Variants in NALCN observed in about 807,000 individuals in gnomAD.
NALCN encodes the protein sodium leak channel, non-selective, also known as sodium leak channel NALCN.
Under a neutral mutation model 225.3 loss-of-function variants are expected in NALCN, and 111 were observed. The observed-to-expected ratio is 0.49, with a 90% CI of 0.42 to 0.58. The LOEUF (loss-of-function observed/expected upper bound fraction) is 0.58, where lower values mean the gene tolerates loss of function less well. Ranked by LOEUF, NALCN falls within the 20% of genes least tolerant of loss-of-function variation. The probability of loss-of-function intolerance (pLI) is 0.00; values close to 1 mark genes in which losing one functional copy is unlikely to be tolerated. For missense variants in NALCN, 1,378 were observed against 2,202.4 expected (o/e 0.63, Z 7.49); for synonymous variants, 764 against 769.0 (o/e 0.99, Z 0.11).
Position 101,395,382 on chromosome 13 carries a change from G to C in NALCN, c.109-17C>G, listed in dbSNP as rs375793431. On this transcript the variant is annotated splice_polypyrimidine_tract_variant and intron_variant, in intron 2 of 43. Coordinates refer to ENST00000251127, the MANE Select transcript of NALCN (RefSeq NM_052867.4). ...GTGAACCCACTGCAATGATGGTCCAGAGTTACTACACGGCACCATAACTGA... is the reference window on the plus strand; with the variant it reads ...GTGAACCCACTGCAATGATGGTCCACAGTTACTACACGGCACCATAACTGA... 3.1e-6 allele frequency: 5 copies of C among 1,610,878 alleles called. No individual in the cohort carries two copies. In the African/African-American group the frequency reaches 6.7e-5, roughly 22 times the overall value.
At chr13:101,191,881 T>A (rs2039694719) in intron 14 of NALCN, 36 bp downstream of exon 14, 1 of 1,579,242 alleles carries the variant, frequency 6.3e-7, no homozygotes, top group South Asian at 1.2e-5. Context: ...CATTATAAAT[T>A]CCAAGATATA....
At chr13:101,116,345 G>T (rs2035708294) in intron 18 of NALCN, 1 of 249,854 alleles carries the variant, frequency 4.0e-6, no homozygotes. Context: ...ATCTTTTATG[G>T]ACGTTGGGGA....
chr13:101,225,850 C>G (rs975361125), intron 13 of NALCN, among the ~76,000 whole-genome samples: 1 of 152,134 alleles, frequency 6.6e-6, no homozygotes, highest in African/African-American at 2.4e-5. Context: ...AATAATATGC[C>G]TAGGACTAAT....
At chr13:101,323,082 C>G (rs552084947) in intron 7 of NALCN, among the ~76,000 whole-genome samples, 1 of 152,250 alleles carries the variant, frequency 6.6e-6, no homozygotes, top group South Asian at 2.1e-4. Flanking sequence ...TAAAAAATCA[C>G]TTCAACAAAA....
chr13:101,156,522 T>G (rs1346031677), intron 15 of NALCN, among the ~76,000 whole-genome samples: 4 of 152,040 alleles, frequency 2.6e-5, no homozygotes, highest in African/African-American at 7.3e-5. Context: ...TCCAACCATA[T>G]GTATGCAGGT....
At chr13:101,144,054 C>T (rs529688811) in intron 16 of NALCN, among the ~76,000 whole-genome samples, 1 of 152,126 alleles carries the variant, frequency 6.6e-6, no homozygotes, top group African/African-American at 2.4e-5. Context: ...TAGTCTCATA[C>T]TTTTATAACC....
chr13:101,109,349 G>T (rs937530658), intron 20 of NALCN, among the ~76,000 whole-genome samples: 1 of 152,134 alleles, frequency 6.6e-6, no homozygotes, highest in Admixed American at 6.5e-5. Flanking sequence ...TGTCTATAGG[G>T]TATTGGTGAT....
intron 17 of NALCN, among the ~76,000 whole-genome samples, chr13:101,132,077 T>C (rs957825772): frequency 1.3e-5 from 2 of 152,088 alleles, no homozygotes; most frequent in Non-Finnish European, 2.9e-5. Context: ...TTTTTCTAAA[T>C]TCTTGAAATG....
intron 1 of NALCN, among the ~76,000 whole-genome samples, chr13:101,403,045 T>A (rs1221517098): frequency 6.6e-6 from 1 of 151,748 alleles, no homozygotes; most frequent in East Asian, 2.0e-4. Context: ...TTTCAAAATG[T>A]TCCCTCTTTT....
chr13:101,410,829 T>TC (rs1432325533), intron 1 of NALCN, among the ~76,000 whole-genome samples: 1 of 152,204 alleles, frequency 6.6e-6, no homozygotes, highest in Non-Finnish European at 1.5e-5. Context: ...AATAGCACAA[T>TC]CACCCAAGCT....
chr13:101,354,627 T>G (rs930516588), intron 6 of NALCN, among the ~76,000 whole-genome samples: 1 of 152,218 alleles, frequency 6.6e-6, no homozygotes, highest in Non-Finnish European at 1.5e-5. Flanking sequence ...ATTCAGCCAA[T>G]TAACTTTGGC....
At position 101,144,843 on chromosome 13, in the gene NALCN, C is replaced by T. The variant is rs772409743; in HGVS notation, c.1893G>A (p.Leu631=). The change falls in exon 16 of 44, where the codon CTG becomes CTA. Residue 631 remains leucine, a synonymous_variant. Coordinates refer to ENST00000251127, the MANE Select transcript of NALCN (RefSeq NM_052867.4). ...TGTTTGGAAATTTTTCAAAGATTCG[C>T]AGGCGTAAAGGGAGCTTTTCTTTGG... ...ADTKEKLPLR[L]RIFEKFPNRP... 2.5e-6 allele frequency: 4 copies of T among 1,613,320 alleles called. No individual in the cohort carries two copies. In the Admixed American group the frequency reaches 5.0e-5, roughly 20 times the overall value.
chr13:101,110,769 A>G (rs536567525), intron 19 of NALCN, 81 bp from the exon 20 acceptor site: 1 of 1,426,974 alleles, frequency 7.0e-7, no homozygotes, highest in East Asian at 2.3e-5. Context: ...AAATCAAAAT[A>G]AAACACTTTT....
intron 11 of NALCN, among the ~76,000 whole-genome samples, chr13:101,241,161 C>T (rs529207854): frequency 7.2e-4 from 110 of 152,214 alleles, no homozygotes; most frequent in Non-Finnish European, 1.3e-3. Context: ...CAGTGCTGTT[C>T]AGATCAGGTT....
At chr13:101,172,207 C>T (rs2038757471) in intron 15 of NALCN, among the ~76,000 whole-genome samples, 1 of 151,970 alleles carries the variant, frequency 6.6e-6, no homozygotes, top group South Asian at 2.1e-4. Flanking sequence ...AGAACACGGG[C>T]CCACCGACAA....
At chr13:101,414,263 A>T (rs972026263) in intron 1 of NALCN, among the ~76,000 whole-genome samples, 19 of 152,286 alleles carry the variant, frequency 1.2e-4, no homozygotes, top group African/African-American at 3.6e-4. Flanking sequence ...ATCTCACTGT[A>T]TATCCACCTG....
chr13:101,081,223 CT>C (rs2033630238), intron 34 of NALCN, among the ~76,000 whole-genome samples: 1 of 152,202 alleles, frequency 6.6e-6, no homozygotes, highest in Non-Finnish European at 1.5e-5. Context: ...CTCTCTCTTT[CT>C]TGTTTTCCCC....
chr13:101,403,056 A>C (rs1284347996), intron 1 of NALCN, among the ~76,000 whole-genome samples: 1 of 151,234 alleles, frequency 6.6e-6, no homozygotes, highest in Non-Finnish European at 1.5e-5. Flanking sequence ...TCCCTCTTTT[A>C]TATAAAAAAA....
At chr13:101,096,604 G>C (rs1247672797) in intron 27 of NALCN, among the ~76,000 whole-genome samples, 3 of 152,168 alleles carry the variant, frequency 2.0e-5, no homozygotes, top group Non-Finnish European at 4.4e-5. Flanking sequence ...AAGAGACATA[G>C]GGTTTCTTTT....
Sources: allele counts gnomAD v4.1 joint callset (sites outside exome capture counted in the v4.1 genomes callset), GRCh38; gene constraint gnomAD v4.1.1; transcripts MANE v1.5; gene names NCBI Gene and HGNC (gene_info 2026-07-23, HGNC 2026-07-21).